Variants in PHF20 observed in about 807,000 individuals in gnomAD.
PHF20 encodes the protein PHD finger protein 20, also known as glioma-expressed antigen 2.
A neutral mutation model predicts 113.5 loss-of-function variants in PHF20; 23 were observed. That is an observed-to-expected ratio of 0.20 (90% CI 0.15 to 0.29). The LOEUF (loss-of-function observed/expected upper bound fraction) is 0.29. Among genes scored for constraint, PHF20 ranks in the 10% least tolerant of loss-of-function variants. The pLI, the probability that PHF20 is intolerant of heterozygous loss-of-function variation, is 1.00. For missense variants in PHF20, 943 were observed against 1,219.6 expected (o/e 0.77, Z 3.38); for synonymous variants, 434 against 457.3 (o/e 0.95, Z 0.65).
chr20:35,940,832 A>C (rs1438934186), intron 16 of PHF20, 32 bp from the exon 17 acceptor site: 44 of 1,584,238 alleles, frequency 2.8e-5, no homozygotes, highest in Non-Finnish European at 2.8e-5. Context: ...GGCTATCTCC[A>C]TTCAGTAATT....
At chr20:35,878,295 A>G (rs1286610497) in intron 9 of PHF20, among the ~76,000 whole-genome samples, 1 of 152,182 alleles carries the variant, frequency 6.6e-6, no homozygotes, top group Non-Finnish European at 1.5e-5. Context: ...TACCTATGAT[A>G]CAAGAAAGTA....
intron 9 of PHF20, among the ~76,000 whole-genome samples, chr20:35,876,814 T>C (rs975299446): frequency 1.3e-5 from 2 of 151,410 alleles, no homozygotes; most frequent in African/African-American, 4.9e-5. Context: ...CTACTAAAGA[T>C]ACAAAAATTT....
intron 1 of PHF20, chr20:35,782,277 T>C (rs2041316371): frequency 6.6e-6 from 1 of 151,680 alleles, no homozygotes; most frequent in Admixed American, 6.6e-5. Flanking sequence ...TTTTTTCTTT[T>C]TTTCTTTTTT....
At chr20:35,945,323 G>A (rs989863281) in intron 17 of PHF20, among the ~76,000 whole-genome samples, 1 of 152,136 alleles carries the variant, frequency 6.6e-6, no homozygotes, top group African/African-American at 2.4e-5. Flanking sequence ...TCTAGTGGGA[G>A]AGACATATAT....
At chr20:35,855,875 C>G (rs983304422) in intron 4 of PHF20, among the ~76,000 whole-genome samples, 6 of 152,050 alleles carry the variant, frequency 3.9e-5, no homozygotes, top group African/African-American at 1.4e-4. Context: ...GACAGGGTTT[C>G]ACCATGTTGG....
Position 35,838,714 on chromosome 20 carries a change from C to T in PHF20, c.84-3859C>T, listed in dbSNP as rs141155377. On this transcript the variant is annotated intron_variant, in intron 2 of 17. Transcript: ENST00000374012. ...AGAAAGAATGCGATTTCAAGCGGGA[C>T]GTGGTGGTTCATGCCTGTAATCTCA... 7.9e-4 allele frequency among the ~76,000 whole-genome samples: 120 copies of T among 152,006 alleles called. 1 individual carries two copies. Among genetic ancestry groups the T allele is most frequent in the African/African-American group, 2.6e-3 (109 of 41,434 alleles).
At chr20:35,907,592 G>A (rs138881396) in intron 10 of PHF20, among the ~76,000 whole-genome samples, 36 of 152,304 alleles carry the variant, frequency 2.4e-4, no homozygotes, top group Non-Finnish European at 4.0e-4. Context: ...TGTGCTGGGC[G>A]CTGTTCCAAG....
At chr20:35,935,279 T>C (rs1175421355) in intron 15 of PHF20, among the ~76,000 whole-genome samples, 6 of 152,160 alleles carry the variant, frequency 3.9e-5, no homozygotes, top group Admixed American at 3.9e-4. Flanking sequence ...TTCTTTTCAT[T>C]TGAGGGTTCT....
chr20:35,850,806 T>C, intron 4 of PHF20: 2 of 925,606 alleles, frequency 2.2e-6, no homozygotes, highest in South Asian at 1.3e-5. Context: ...AGTATTACCA[T>C]ATTTGTTATG....
At chr20:35,812,895 G>A (rs948838523) in intron 2 of PHF20, among the ~76,000 whole-genome samples, 1 of 152,110 alleles carries the variant, frequency 6.6e-6, no homozygotes, top group African/African-American at 2.4e-5. Flanking sequence ...CTCTGGAGAT[G>A]GAAAAATGGT....
intron 12 of PHF20, among the ~76,000 whole-genome samples, chr20:35,914,407 A>G (rs2055362973): frequency 6.6e-6 from 1 of 152,228 alleles, no homozygotes. Context: ...GTCTAAAACA[A>G]TGCATATACC....
intron 4 of PHF20, 68 bp from the exon 5 acceptor site, chr20:35,858,234 A>G (rs2042873674): frequency 2.4e-6 from 2 of 825,136 alleles, no homozygotes; most frequent in Admixed American, 1.9e-5. Flanking sequence ...CCTTGTGTTT[A>G]TACTTTGAAA....
chr20:35,805,356 TA>T (rs869227636), intron 2 of PHF20, among the ~76,000 whole-genome samples: 31 of 103,226 alleles, frequency 3.0e-4, no homozygotes, highest in Non-Finnish European at 5.0e-4. Context: ...CCTGATTTTT[TA>T]TTATTATTAT....
At chr20:35,786,559 C>A (rs575119096) in intron 1 of PHF20, among the ~76,000 whole-genome samples, 1 of 151,456 alleles carries the variant, frequency 6.6e-6, no homozygotes, top group East Asian at 1.9e-4. Context: ...AAAATTAGCC[C>A]AGTTTGGTGG....
chr20:35,857,921 C>T (rs1457782314), intron 4 of PHF20, among the ~76,000 whole-genome samples: 3 of 152,026 alleles, frequency 2.0e-5, no homozygotes, highest in East Asian at 3.8e-4. Context: ...GATCCCGGAA[C>T]GTAAAGATTA....
intron 15 of PHF20, among the ~76,000 whole-genome samples, chr20:35,935,856 T>C (rs909035266): frequency 2.6e-5 from 4 of 152,200 alleles, no homozygotes; most frequent in African/African-American, 9.7e-5. Context: ...TCATGGATGG[T>C]CTCTGTTGTC....
chr20:35,907,197 C>T (rs1193639143), intron 10 of PHF20, among the ~76,000 whole-genome samples: 1 of 152,252 alleles, frequency 6.6e-6, no homozygotes, highest in East Asian at 1.9e-4. Flanking sequence ...GGTCTGATGA[C>T]AGTTGTCCCT....
intron 1 of PHF20, among the ~76,000 whole-genome samples, chr20:35,773,197 A>G (rs1022679240): frequency 1.3e-5 from 2 of 152,104 alleles, no homozygotes; most frequent in African/African-American, 4.8e-5. Context: ...GAGTGCAGCC[A>G]CTTTCCAGAT....
At chr20:35,812,381 T>C (rs2041994068) in intron 2 of PHF20, among the ~76,000 whole-genome samples, 1 of 152,150 alleles carries the variant, frequency 6.6e-6, no homozygotes, top group African/African-American at 2.4e-5. Flanking sequence ...ATCGAGCCAC[T>C]GCACTCCAGC....
Sources: allele counts gnomAD v4.1 joint callset (sites outside exome capture counted in the v4.1 genomes callset), GRCh38; gene constraint gnomAD v4.1.1; transcripts MANE v1.5; gene names NCBI Gene and HGNC (gene_info 2026-07-23, HGNC 2026-07-21).